Variants in ABLIM1 observed in about 807,000 individuals in gnomAD.
The protein encoded by ABLIM1 is actin-binding LIM protein 1.
Under a neutral mutation model 107.0 loss-of-function variants are expected in ABLIM1, and 40 were observed. That is an observed-to-expected ratio of 0.37 (90% CI 0.29 to 0.49). The LOEUF (loss-of-function observed/expected upper bound fraction) is 0.49, where lower values mean the gene tolerates loss of function less well. Among genes scored for constraint, ABLIM1 ranks in the 20% least tolerant of loss-of-function variants. The probability of loss-of-function intolerance (pLI) is 0.97; values close to 1 mark genes in which losing one functional copy is unlikely to be tolerated. For synonymous variants in ABLIM1, 357 were observed against 357.3 expected, an observed-to-expected ratio of 1.00 and a Z score of 0.01; for missense variants, 857 against 1,008.5, an observed-to-expected ratio of 0.85 and a Z score of 2.04.
chr10:114,727,827 T>C (rs1030658675), intron 1 of ABLIM1, among the ~76,000 whole-genome samples: 1 of 152,080 alleles, frequency 6.6e-6, no homozygotes, highest in Non-Finnish European at 1.5e-5. Context: ...TGGTGGCTCA[T>C]GCCTGTATTC....
intron 6 of ABLIM1, among the ~76,000 whole-genome samples, chr10:114,529,121 A>G (rs1379951804): frequency 6.7e-6 from 1 of 149,446 alleles, no homozygotes; most frequent in African/African-American, 2.5e-5. Flanking sequence ...ACGAGTCTTC[A>G]TCCTCTTTTT....
At chr10:114,525,624 A>C (rs1040774427) in intron 6 of ABLIM1, among the ~76,000 whole-genome samples, 1 of 152,232 alleles carries the variant, frequency 6.6e-6, no homozygotes, top group African/African-American at 2.4e-5. Flanking sequence ...ATAGAATGGC[A>C]ACAATTATAT....
chr10:114,782,213 T>C, the ABLIM1 span, among the ~76,000 whole-genome samples: 22 of 152,124 alleles, frequency 1.4e-4, no homozygotes, highest in African/African-American at 5.1e-4. Flanking sequence ...ACATATACCC[T>C]GCACCAGGCC....
intron 12 of ABLIM1, among the ~76,000 whole-genome samples, chr10:114,455,499 G>A (rs2062646110): frequency 6.6e-6 from 1 of 152,120 alleles, no homozygotes; most frequent in African/African-American, 2.4e-5. Context: ...AAAACACAGA[G>A]GAAAACAGGG....
intron 5 of ABLIM1, among the ~76,000 whole-genome samples, chr10:114,545,346 A>G (rs533243835): frequency 3.3e-5 from 5 of 152,198 alleles, no homozygotes; most frequent in Non-Finnish European, 7.4e-5. Flanking sequence ...CCATATGGTC[A>G]CCCTTGCCGA....
At chr10:114,671,658 C>T (rs74366846) in intron 1 of ABLIM1, among the ~76,000 whole-genome samples, 3,178 of 152,280 alleles carry the variant, frequency 0.021, 56 homozygotes, top group Non-Finnish European at 0.032. Flanking sequence ...TTTACCCATG[C>T]TGATAGACAT....
Position 114,629,738 on chromosome 10 carries a change from G to A in ABLIM1, c.245-27777C>T, listed in dbSNP as rs1010938786. 7.9e-5 allele frequency among the ~76,000 whole-genome samples: 12 copies of A among 152,128 alleles called. No homozygotes were observed. Among genetic ancestry groups the A allele is most frequent in the African/African-American group, 2.9e-4 (12 of 41,404 alleles). On this transcript the variant is annotated intron_variant, in intron 1 of 22. Coordinates refer to ENST00000533213, the MANE Select transcript of ABLIM1 (RefSeq NM_002313.7). The surrounding 1 kb of genome is among the most constrained non-coding windows in gnomAD (Gnocchi z 4.0). ...TGATCCCCAGTTTTCTCATCTCTAG[G>A]ATGAATGCCTGGACTAAACGATCCC...
intron 4 of ABLIM1, among the ~76,000 whole-genome samples, chr10:114,565,564 C>T (rs1413999884): frequency 6.6e-6 from 1 of 152,126 alleles, no homozygotes; most frequent in African/African-American, 2.4e-5. Flanking sequence ...GAGCCAGGAC[C>T]TGACCCTAGG....
chr10:114,585,057 A>G (rs2074035213), intron 2 of ABLIM1, among the ~76,000 whole-genome samples: 1 of 152,178 alleles, frequency 6.6e-6, no homozygotes, highest in South Asian at 2.1e-4. Context: ...TAAGTATTAA[A>G]GTCTTCTACC....
chr10:114,442,498 T>C (rs1048893054), intron 17 of ABLIM1, among the ~76,000 whole-genome samples: 4 of 152,242 alleles, frequency 2.6e-5, no homozygotes, highest in Non-Finnish European at 5.9e-5. Flanking sequence ...TACAATGTTA[T>C]ACATTCTTAT....
At chr10:114,441,167 G>T in intron 18 of ABLIM1, 90 bp from the exon 19 acceptor site, 1 of 1,350,470 alleles carries the variant, frequency 7.4e-7, no homozygotes, top group South Asian at 1.4e-5. Context: ...CAAAATCCTA[G>T]GAATTCTTCC....
At chr10:114,577,295 C>G (rs528661361) in intron 2 of ABLIM1, among the ~76,000 whole-genome samples, 1 of 152,298 alleles carries the variant, frequency 6.6e-6, no homozygotes, top group East Asian at 1.9e-4. Context: ...TGATTTCACT[C>G]CTCAGTGACA....
At chr10:114,645,916 A>G (rs183010731) in intron 1 of ABLIM1, among the ~76,000 whole-genome samples, 262 of 152,350 alleles carry the variant, frequency 1.7e-3, no homozygotes, top group Non-Finnish European at 2.8e-3. Context: ...TATAACATTT[A>G]CACATATATT....
intron 6 of ABLIM1, among the ~76,000 whole-genome samples, chr10:114,529,677 A>T (rs1387527626): frequency 6.6e-6 from 1 of 152,160 alleles, no homozygotes; most frequent in African/African-American, 2.4e-5. Context: ...TCCCATTGGC[A>T]TGCCTCCTGT....
At chr10:114,455,448 A>C (rs912684820) in intron 12 of ABLIM1, among the ~76,000 whole-genome samples, 2 of 152,230 alleles carry the variant, frequency 1.3e-5, no homozygotes, top group African/African-American at 4.8e-5. Flanking sequence ...CCCTCTCCTA[A>C]AGAGAAGTAA....
At chr10:114,769,055 C>T (rs1298670297), upstream of ABLIM1, among the ~76,000 whole-genome samples, 2 of 148,908 alleles carry the variant, frequency 1.3e-5, no homozygotes, top group Non-Finnish European at 3.0e-5. Context: ...GTTCTATGGC[C>T]GGGTGTGGTG....
At position 114,453,397 on chromosome 10, in the gene ABLIM1, T is replaced by C. The variant is rs774936442; in HGVS notation, c.1528A>G (p.Lys510Glu). The C allele has an allele frequency of 1.2e-6, 2 of 1,614,024 alleles. No individual in the cohort carries two copies. The highest frequency in any genetic ancestry group is 1.7e-6 in the Non-Finnish European group (2 of 1,179,982). Residue 510 changes from lysine (K) to glutamate (E), a missense_variant, in exon 13 of 23, where the codon AAA becomes GAA. This residue lies in a region of ABLIM1 where 381 missense variants were observed against 506.9 expected (regional missense o/e 0.75). Coordinates refer to ENST00000533213, the MANE Select transcript of ABLIM1 (RefSeq NM_002313.7). ...PLTPTYAQAP[K>E]HFHVPDQGIN... ...CTCCTACCTGGAACATGGAAATGTT[T>C]AGGGGCCTGAGCGTAAGTTGGAGTT...
rs139548818 is a variant in ABLIM1, at chr10:114,619,398, T to C, written c.245-17437A>G. On this transcript the variant is annotated intron_variant, in intron 1 of 22. Transcript: ENST00000533213. The surrounding 1 kb of genome is among the most constrained non-coding windows in gnomAD (Gnocchi z 4.1). ...TTTTAGTAGAGACGAGGTTTCACTA[T>C]GTTGCCCAGGCTGGTCTCGAACTCC... is the stretch of plus-strand genomic sequence containing the variant. Among the ~76,000 whole-genome samples, 992 of 152,220 alleles carry C rather than the reference T, an allele frequency of 6.5e-3. 10 individuals carry two copies. The highest frequency in any genetic ancestry group is 0.01 in the Non-Finnish European group (683 of 68,024).
At chr10:114,793,866 A>G in the ABLIM1 span, among the ~76,000 whole-genome samples, 3 of 152,228 alleles carry the variant, frequency 2.0e-5, no homozygotes, top group Middle Eastern at 3.4e-3. Flanking sequence ...AAAGCTCTCA[A>G]ACCCTATTCT....
Sources: allele counts gnomAD v4.1 joint callset (sites outside exome capture counted in the v4.1 genomes callset), GRCh38; gene constraint gnomAD v4.1.1; regional missense constraint gnomAD v4.1.1; non-coding constraint Gnocchi (gnomAD v3.1); transcripts MANE v1.5; gene names NCBI Gene and HGNC (gene_info 2026-07-23, HGNC 2026-07-21).